DNAH6: variants seen among roughly 807,000 people sequenced by gnomAD.
DNAH6 encodes dynein axonemal heavy chain 6.
A neutral mutation model predicts 491.4 loss-of-function variants in DNAH6; 340 were observed. That is an observed-to-expected ratio of 0.69 (90% CI 0.63 to 0.76). The LOEUF is 0.76. DNAH6 is among the 30% of genes least tolerant of loss of function. The pLI, the probability that DNAH6 is intolerant of heterozygous loss-of-function variation, is 0.00. For synonymous variants in DNAH6, 1,603 were observed against 1,686.1 expected, an observed-to-expected ratio of 0.95 and a Z score of 1.21; for missense variants, 4,443 against 4,972.2, an observed-to-expected ratio of 0.89 and a Z score of 3.20.
the DNAH6 span, among the ~76,000 whole-genome samples, chr2:84,482,551 T>C: frequency 6.6e-6 from 1 of 152,200 alleles, no homozygotes; most frequent in Non-Finnish European, 1.5e-5. Context: ...ATTCTTTGTC[T>C]TCCTGCAGCC....
chr2:84,537,229 A>G (rs1158539760), intron 4 of DNAH6, among the ~76,000 whole-genome samples: 1 of 152,024 alleles, frequency 6.6e-6, no homozygotes, highest in Non-Finnish European at 1.5e-5. Context: ...TCAATTAGTA[A>G]ATTATAGCTG....
At chr2:84,659,862 G>C (rs1331505290) in intron 37 of DNAH6, among the ~76,000 whole-genome samples, 1 of 152,066 alleles carries the variant, frequency 6.6e-6, no homozygotes, top group Non-Finnish European at 1.5e-5. Context: ...CACACCTGTA[G>C]TTCTAGCTAC....
chr2:84,736,516 T>C (rs996203665), intron 62 of DNAH6, among the ~76,000 whole-genome samples: 11 of 152,162 alleles, frequency 7.2e-5, no homozygotes, highest in African/African-American at 2.7e-4. Context: ...ATCCTTTCTT[T>C]CGGCAATGTT....
chr2:84,745,665 C>CAAAAAAAAAAAAA (rs34589141), intron 63 of DNAH6, among the ~76,000 whole-genome samples: 1 of 61,926 alleles, frequency 1.6e-5, no homozygotes, highest in African/African-American at 5.4e-5. Flanking sequence ...GACACTGTCT[C>CAAAAAAAAAAAAA]AAAAAAAAAA....
intron 45 of DNAH6, among the ~76,000 whole-genome samples, chr2:84,693,125 T>C (rs556493740): frequency 4.6e-5 from 7 of 152,286 alleles, no homozygotes; most frequent in Admixed American, 4.6e-4. Context: ...TCAGTTCTAT[T>C]CCTTCTTCTC....
intron 58 of DNAH6, among the ~76,000 whole-genome samples, chr2:84,716,514 T>C (rs1697551549): frequency 6.6e-6 from 1 of 152,202 alleles, no homozygotes; most frequent in Non-Finnish European, 1.5e-5. Context: ...TTGTCACTAA[T>C]GAGCTTAAGT....
chr2:84,669,335 C>T lies in DNAH6; in HGVS notation c.6131C>T (p.Thr2044Ile), dbSNP rs1692484670. 6.5e-7 allele frequency: 1 copy of T among 1,549,904 alleles called. No homozygotes were observed. Among genetic ancestry groups the T allele is most frequent in the Non-Finnish European group, 8.7e-7 (1 of 1,145,368 alleles). ...DLWSIHMDFDTKRLDPWERII... is the reference protein window; with the variant it reads ...DLWSIHMDFDIKRLDPWERII... ...TGGAGCATTCATATGGACTTTGACA[C>T]CAAACGGCTGGATCCCTGGGAACGA... Residue 2044 changes from threonine to isoleucine, a missense_variant, in exon 38 of 77, where the codon ACC becomes ATC. Thr to Ile is a moderately conservative substitution (Grantham distance 89). Around this residue, in one of 3 missense-constraint regions of DNAH6, gnomAD observed 2,977 missense variants for 3,296.6 expected, o/e 0.90. Transcript: ENST00000389394.
At chr2:84,722,547 C>A (rs189381336) in intron 59 of DNAH6, 78 bp from the exon 60 acceptor site, 2 of 1,248,016 alleles carry the variant, frequency 1.6e-6, no homozygotes, top group African/African-American at 1.6e-5. Context: ...TTCCCTAGAC[C>A]TAACTGGATA....
intron 61 of DNAH6, among the ~76,000 whole-genome samples, chr2:84,731,701 G>T (rs1483166752): frequency 1.3e-5 from 2 of 152,158 alleles, no homozygotes; most frequent in African/African-American, 4.8e-5. Context: ...AATAAAGTTT[G>T]TAGTGAAAAG....
intron 1 of DNAH6, among the ~76,000 whole-genome samples, chr2:84,517,263 A>G (rs1020891622): frequency 1.3e-5 from 2 of 152,188 alleles, no homozygotes; most frequent in African/African-American, 4.8e-5. Context: ...GGACCTTGCT[A>G]CTCAAAGTGT....
intron 37 of DNAH6, among the ~76,000 whole-genome samples, chr2:84,663,980 T>C (rs1268871046): frequency 6.6e-6 from 1 of 152,178 alleles, no homozygotes; most frequent in Non-Finnish European, 1.5e-5. Flanking sequence ...ACCCAGAATT[T>C]CATATCCAGC....
chr2:84,715,418 A>G, intron 57 of DNAH6, 142 bp from the exon 58 acceptor site: 4 of 674,636 alleles, frequency 5.9e-6, no homozygotes, highest in Non-Finnish European at 9.9e-6. Context: ...CAGTACACCT[A>G]AAGTATGTGT....
chr2:84,634,436 T>C (rs1688681886), intron 29 of DNAH6, 68 bp from the exon 30 acceptor site: 1 of 1,353,934 alleles, frequency 7.4e-7, no homozygotes, highest in African/African-American at 1.5e-5. Flanking sequence ...ATATTTCAGC[T>C]CAGAATTTAA....
At chr2:84,588,500 C>T (rs1262721614) in intron 15 of DNAH6, among the ~76,000 whole-genome samples, 2 of 152,178 alleles carry the variant, frequency 1.3e-5, no homozygotes, top group African/African-American at 4.8e-5. Flanking sequence ...TATCCCCTTC[C>T]TTCTCTTCCC....
In DNAH6 at chr2:84,694,481, G is replaced by A. The variant is rs1279514888; in HGVS notation, c.7524+1G>A. ...GGTTTTCCTTTTCACTGACACCCAG[G>A]TGTGTGTTTAAATAGCCCATGGGTG... On this transcript the variant is annotated splice_donor_variant, in intron 46 of 76. Coordinates refer to ENST00000389394, the MANE Select transcript of DNAH6 (RefSeq NM_001370.2). LOFTEE classifies it high-confidence loss of function. The A allele has an allele frequency of 1.9e-6, 3 of 1,550,336 alleles. No homozygotes were observed. The highest frequency in any genetic ancestry group is 2.6e-6 in the Non-Finnish European group (3 of 1,145,706).
rs931590562 is a variant in DNAH6 at position 84,569,251 on chromosome 2, A to G, written c.1804-4216A>G. Among the ~76,000 whole-genome samples, 89 of 152,092 alleles carry G rather than the reference A, an allele frequency of 5.9e-4. 1 individual carries two copies. The highest frequency in any genetic ancestry group is 2.0e-3 in the African/African-American group (82 of 41,428). On this transcript the variant is annotated intron_variant, in intron 11 of 76. Transcript: ENST00000389394. ...TAATATAGAGTGATTTCCAGGATAT[A>G]TTGTTAGATGAAAAAGGCAAAGTAC...
At chr2:84,616,011 A>G (rs1463840621) in intron 22 of DNAH6, among the ~76,000 whole-genome samples, 2 of 151,814 alleles carry the variant, frequency 1.3e-5, no homozygotes, top group Non-Finnish European at 2.9e-5. Flanking sequence ...TTCCTTTTGG[A>G]GTTGATTTCC....
In DNAH6 at chr2:84,688,613, C is replaced by G. The variant is rs1694531575; in HGVS notation, c.7292+20C>G. 1 of 1,496,836 alleles carries G rather than the reference C, an allele frequency of 6.7e-7. No individual in the cohort carries two copies. Among genetic ancestry groups the G allele is most frequent in the Non-Finnish European group, 8.9e-7 (1 of 1,129,014 alleles). 92.7% of individuals were successfully genotyped at this position (1,496,836 alleles called of 1,614,324 possible). ...TTCAAGGTATAGTGCTATAAGGCGC[C>G]CAATAATGCATTGATTTAATATTTT... On this transcript the variant is annotated intron_variant, in intron 45 of 76. Transcript: ENST00000389394.
At chr2:84,643,547 A>T (rs1038205167) in intron 33 of DNAH6, among the ~76,000 whole-genome samples, 6 of 151,958 alleles carry the variant, frequency 3.9e-5, no homozygotes, top group African/African-American at 1.5e-4. Context: ...CTTGGGTATT[A>T]TGTTGCTTTT....
Sources: gnomAD v4.1 joint callset for allele counts (sites outside exome capture counted in the v4.1 genomes callset) on GRCh38, gnomAD v4.1.1 for gene constraint, gnomAD v4.1.1 regional missense constraint, MANE v1.5 for transcripts, NCBI Gene and HGNC (gene_info 2026-07-23, HGNC 2026-07-21) for gene names.